The following IKBKB variants were observed in gnomAD, a reference collection of about 807,000 sequenced individuals.
IKBKB encodes the protein inhibitor of nuclear factor kappa-B kinase subunit beta.
IKBKB carries 42 observed loss-of-function variants against 113.6 expected under a neutral mutation model. The ratio of observed to expected loss-of-function variants is 0.37; its 90% CI spans 0.29 to 0.48. IKBKB has a LOEUF of 0.48. Among genes scored for constraint, IKBKB ranks in the 20% least tolerant of loss-of-function variants. The pLI is 0.99. For missense variants in IKBKB, 673 were observed against 939.7 expected, an observed-to-expected ratio of 0.72 and a Z score of 3.71; for synonymous variants, 296 against 361.3, an observed-to-expected ratio of 0.82 and a Z score of 2.05.
chr8:42,271,985 C>A, intron 1 of IKBKB, 98 bp from the exon 2 acceptor site: 1 of 1,222,246 alleles, frequency 8.2e-7, no homozygotes, highest in Non-Finnish European at 1.1e-6. Flanking sequence ...TTCTTCTCTC[C>A]CATTCAAGAG....
At chr8:42,296,918 C>T (rs1004691748) in intron 5 of IKBKB, among the ~76,000 whole-genome samples, 1 of 152,186 alleles carries the variant, frequency 6.6e-6, no homozygotes, top group Non-Finnish European at 1.5e-5. Flanking sequence ...ATGCTCTGTT[C>T]CTGCAGAATG....
intron 2 of IKBKB, among the ~76,000 whole-genome samples, chr8:42,273,420 ATAT>A (rs773609679): frequency 7.0e-6 from 1 of 142,844 alleles, no homozygotes; most frequent in African/African-American, 2.7e-5. Context: ...GTCTCAAAAA[ATAT>A]ATATATATAT....
At chr8:42,303,197 C>T (rs930062393) in intron 5 of IKBKB, among the ~76,000 whole-genome samples, 3 of 151,388 alleles carry the variant, frequency 2.0e-5, no homozygotes, top group Admixed American at 6.6e-5. Flanking sequence ...GTGGTGGCGG[C>T]GACGGCATAC....
intron 5 of IKBKB, among the ~76,000 whole-genome samples, chr8:42,301,613 G>T (rs552507062): frequency 1.3e-4 from 20 of 152,328 alleles, no homozygotes; most frequent in African/African-American, 4.8e-4. Context: ...ACTTTATTAA[G>T]TTGACAGAGG....
At chr8:42,287,817 A>C (rs2130272409) in intron 2 of IKBKB, among the ~76,000 whole-genome samples, 1 of 152,308 alleles carries the variant, frequency 6.6e-6, no homozygotes, top group African/African-American at 2.4e-5. Flanking sequence ...ATGCCATATT[A>C]TGCTTGCGTT....
At chr8:42,276,488 A>G (rs1241414209) in intron 2 of IKBKB, among the ~76,000 whole-genome samples, 1 of 152,168 alleles carries the variant, frequency 6.6e-6, no homozygotes, top group African/African-American at 2.4e-5. Flanking sequence ...CTTGATATTA[A>G]TCCCTTGTTG....
At chr8:42,321,802 G>A (rs1819829008) in intron 16 of IKBKB, 94 bp from the exon 17 acceptor site, 1 of 853,002 alleles carries the variant, frequency 1.2e-6, no homozygotes, top group Admixed American at 2.7e-5. Flanking sequence ...AGACCAGCCT[G>A]GGCAACATGG....
intron 2 of IKBKB, among the ~76,000 whole-genome samples, chr8:42,280,252 C>T (rs1810079355): frequency 1.3e-5 from 2 of 152,262 alleles, no homozygotes; most frequent in South Asian, 4.2e-4. Context: ...AACAAGCGAG[C>T]CCCACCACAA....
intron 19 of IKBKB, chr8:42,325,645 T>C (rs1348175282): frequency 1.9e-6 from 2 of 1,069,868 alleles, no homozygotes; most frequent in South Asian, 2.8e-5. Context: ...CACATCGCAC[T>C]TCAGCCCAGG....
chr8:42,319,716 C>A, intron 15 of IKBKB, 70 bp downstream of exon 15: 2 of 1,254,462 alleles, frequency 1.6e-6, no homozygotes, highest in Non-Finnish European at 2.2e-6. Flanking sequence ...TTTTCACTTT[C>A]TCATCAAACA....
chr8:42,323,880 G>T (rs577480653), intron 19 of IKBKB, among the ~76,000 whole-genome samples: 1 of 152,300 alleles, frequency 6.6e-6, no homozygotes, highest in East Asian at 1.9e-4. Flanking sequence ...CTAACTATAT[G>T]CCCAGCAAGA....
intron 2 of IKBKB, among the ~76,000 whole-genome samples, chr8:42,283,188 A>G (rs893153635): frequency 3.3e-5 from 5 of 152,320 alleles, no homozygotes; most frequent in African/African-American, 1.2e-4. Context: ...GACTGCAATT[A>G]TCCAATTTGT....
intron 2 of IKBKB, among the ~76,000 whole-genome samples, chr8:42,288,402 A>G (rs934182121): frequency 7.9e-4 from 119 of 150,872 alleles, no homozygotes; most frequent in Non-Finnish European, 1.2e-3. Context: ...AAAAAAAAAA[A>G]AGAGAGAGAA....
intron 2 of IKBKB, among the ~76,000 whole-genome samples, chr8:42,282,764 G>A (rs115526503): frequency 1.8e-3 from 269 of 152,290 alleles, no homozygotes; most frequent in African/African-American, 6.3e-3. Flanking sequence ...TCTAGAGCAG[G>A]TATGTTTTTA....
chr8:42,327,213 T>C (rs1820906485), intron 20 of IKBKB, among the ~76,000 whole-genome samples: 1 of 152,132 alleles, frequency 6.6e-6, no homozygotes, highest in African/African-American at 2.4e-5. Context: ...CTTAATTTTC[T>C]CTTGGCTGTA....
chr8:42,314,717 G>A (rs1818349969), intron 9 of IKBKB, among the ~76,000 whole-genome samples: 1 of 151,602 alleles, frequency 6.6e-6, no homozygotes, highest in South Asian at 2.1e-4. Context: ...AAAGGTTGCA[G>A]TGAGCTGAGA....
At chr8:42,309,557 C>T (rs888642859) in intron 8 of IKBKB, 1 of 322,336 alleles carries the variant, frequency 3.1e-6, no homozygotes, top group Admixed American at 4.2e-5. Context: ...CAGTTCCAGA[C>T]CAGCCTGGCC....
In IKBKB at chr8:42,331,436, C is replaced by G. The variant is rs1289801839; in HGVS notation, c.*457C>G. The G allele has an allele frequency of 8.5e-6, 6 of 702,192 alleles. No homozygotes were observed. The highest frequency in any genetic ancestry group is 1.5e-5 in the South Asian group (1 of 67,522). 43.5% of individuals were successfully genotyped at this position (702,192 alleles called of 1,614,324 possible). On this transcript the variant is annotated 3_prime_UTR_variant, in exon 22 of 22. Transcript: ENST00000520810. ...AGTCCGAGCAGCGCTTGGTGACAGCCTGTCCTCTCCTGCTCTCCAAAGGCC... is the reference window on the plus strand; with the variant it reads ...AGTCCGAGCAGCGCTTGGTGACAGCGTGTCCTCTCCTGCTCTCCAAAGGCC...
chr8:42,306,129 G>A (rs1471344026), intron 6 of IKBKB, among the ~76,000 whole-genome samples: 5 of 152,226 alleles, frequency 3.3e-5, no homozygotes, highest in African/African-American at 1.2e-4. Flanking sequence ...GGGAGGACAC[G>A]TGCCTAGCAT....
Sources: allele counts gnomAD v4.1 joint callset (sites outside exome capture counted in the v4.1 genomes callset), GRCh38; gene constraint gnomAD v4.1.1; transcripts MANE v1.5; gene names NCBI Gene and HGNC (gene_info 2026-07-23, HGNC 2026-07-21).